The following BIN1 variants were observed in gnomAD, a reference collection of about 807,000 sequenced individuals.
BIN1 encodes the protein myc box-dependent-interacting protein 1.
BIN1 carries 53 observed loss-of-function variants against 82.0 expected under a neutral mutation model. That is an observed-to-expected ratio of 0.65 (90% CI 0.52 to 0.81). The LOEUF (loss-of-function observed/expected upper bound fraction) is 0.81, where lower values mean the gene tolerates loss of function less well. Ranked by LOEUF, BIN1 falls within the 40% of genes least tolerant of loss-of-function variation. The probability of loss-of-function intolerance (pLI) is 0.00; values close to 1 mark genes in which losing one functional copy is unlikely to be tolerated. For missense variants in BIN1, 642 were observed against 784.4 expected (o/e 0.82, Z 2.17); for synonymous variants, 302 against 328.0 (o/e 0.92, Z 0.86).
chr2:127,086,068 T>C (rs768662734), intron 1 of BIN1, among the ~76,000 whole-genome samples: 35 of 152,196 alleles, frequency 2.3e-4, no homozygotes, highest in Non-Finnish European at 4.6e-4. Flanking sequence ...AGGACTCACC[T>C]TGGGGGACAC....
At chr2:127,088,364 A>G (rs1378323143) in intron 1 of BIN1, among the ~76,000 whole-genome samples, 1 of 151,438 alleles carries the variant, frequency 6.6e-6, no homozygotes, top group African/African-American at 2.4e-5. Flanking sequence ...TGGGAAGCCA[A>G]GCAAGGTCTC....
chr2:127,055,787 G>A (rs1683577013), intron 12 of BIN1: 1 of 152,256 alleles, frequency 6.6e-6, no homozygotes, highest in African/African-American at 2.4e-5. Context: ...TCCATGCAGG[G>A]ACACAGGCTA....
chr2:127,050,273 G>T (rs1328193757), intron 18 of BIN1, 148 bp downstream of exon 18: 1 of 762,780 alleles, frequency 1.3e-6, no homozygotes, highest in Non-Finnish European at 2.3e-6. Flanking sequence ...GCCCGACGTG[G>T]AGGGCGGGGA....
chr2:127,092,068 C>T (rs1435974164), intron 1 of BIN1, among the ~76,000 whole-genome samples: 2 of 151,754 alleles, frequency 1.3e-5, no homozygotes, highest in East Asian at 3.9e-4. Flanking sequence ...CCCAGCTCTC[C>T]GCCTGGCCCC....
At chr2:127,100,836 C>T (rs1312372055) in intron 1 of BIN1, among the ~76,000 whole-genome samples, 2 of 152,082 alleles carry the variant, frequency 1.3e-5, no homozygotes, top group Admixed American at 6.5e-5. Flanking sequence ...CAGTGGTCTC[C>T]GCAGGAGCAG....
Position 127,057,611 on chromosome 2 carries a change from G to C in BIN1, c.1003-10C>G. Reference sequence around the variant, plus strand: ...GTGGGCCTTTCCGGAGCTGTGGGTCGGCGGCGGGTGAGGGGCCGCGCGGGA... The same window carrying C: ...GTGGGCCTTTCCGGAGCTGTGGGTCCGCGGCGGGTGAGGGGCCGCGCGGGA... On this transcript the variant is annotated splice_polypyrimidine_tract_variant and intron_variant, in intron 11 of 18. Coordinates refer to ENST00000316724, the MANE Select transcript of BIN1 (RefSeq NM_139343.3). The surrounding 1 kb of genome is among the most constrained non-coding windows in gnomAD (Gnocchi z 5.0). 2 of 1,515,430 alleles carry C rather than the reference G, an allele frequency of 1.3e-6. No homozygotes were observed. Among genetic ancestry groups the C allele is most frequent in the Non-Finnish European group, 1.8e-6 (2 of 1,125,400 alleles). The allele number at this position is 1,515,430 out of a possible 1,614,324, so 93.9% of individuals were successfully genotyped here. A position where few individuals can be genotyped will look rare whatever the true frequency, so the allele number is the denominator to read the frequency against.
intron 1 of BIN1, among the ~76,000 whole-genome samples, chr2:127,085,194 G>A (rs1019923698): frequency 5.9e-5 from 9 of 152,232 alleles, no homozygotes; most frequent in African/African-American, 1.9e-4. Context: ...AGCTGTGGCT[G>A]CAAAGGGGAG....
chr2:127,105,504 T>TC (rs1553490445), intron 1 of BIN1, among the ~76,000 whole-genome samples: 1 of 117,082 alleles, frequency 8.5e-6, no homozygotes, highest in Non-Finnish European at 1.8e-5. Flanking sequence ...TCCTCCTCCT[T>TC]CCCTGGGGTG....
chr2:127,081,926 C>T (rs1687345502), intron 1 of BIN1: 6 of 1,260,026 alleles, frequency 4.8e-6, no homozygotes, highest in African/African-American at 3.1e-5. Flanking sequence ...AGCCTGCGGT[C>T]GGGGGCCACG....
At chr2:127,049,457 C>T (rs567494208) in intron 18 of BIN1, among the ~76,000 whole-genome samples, 65 of 152,190 alleles carry the variant, frequency 4.3e-4, no homozygotes, top group Admixed American at 5.9e-4. Context: ...GTACCTGGTA[C>T]CCCTACATCC....
At chr2:127,074,477 C>T (rs956965799) in intron 2 of BIN1, among the ~76,000 whole-genome samples, 1 of 152,246 alleles carries the variant, frequency 6.6e-6, no homozygotes, top group Non-Finnish European at 1.5e-5. Context: ...CAGCAGCCAC[C>T]TGGCAGCCCG....
At position 127,097,430 on chromosome 2, in the gene BIN1, C is replaced by A. The variant is rs559273023; in HGVS notation, c.84+9430G>T. ...GTCACCCCTCCAGGCCCAGCAGCGT[C>A]AGCCCTCCTGGTGTCACCCTGGGCT... On this transcript the variant is annotated intron_variant, in intron 1 of 18. Coordinates refer to ENST00000316724, the MANE Select transcript of BIN1 (RefSeq NM_139343.3). Among the ~76,000 whole-genome samples the A allele has an allele frequency of 8.5e-5, 13 of 152,236 alleles. No homozygotes were observed. The East Asian group carries it at 2.3e-3, about 27-fold the overall frequency.
intron 1 of BIN1, among the ~76,000 whole-genome samples, chr2:127,105,759 A>T (rs1245834929): frequency 6.6e-6 from 1 of 152,142 alleles, no homozygotes; most frequent in East Asian, 1.9e-4. Context: ...CAGGCCTGGC[A>T]GGGGAAGGCC....
At chr2:127,084,204 C>T (rs1010042974) in intron 1 of BIN1, among the ~76,000 whole-genome samples, 6 of 152,160 alleles carry the variant, frequency 3.9e-5, no homozygotes, top group African/African-American at 7.2e-5. Flanking sequence ...CCTGGCGCAC[C>T]GTATGCGCAG....
chr2:127,064,101 AC>A, intron 7 of BIN1, 83 bp from the exon 8 acceptor site: 1 of 1,517,764 alleles, frequency 6.6e-7, no homozygotes, highest in Non-Finnish European at 9.1e-7. Context: ...CCTCCTGCCC[AC>A]CCCTCTTGGC....
chr2:127,079,448 C>T lies in BIN1; in HGVS notation c.85-2742G>A, dbSNP rs576511528. ...GGTGGGGGATGGGCCTGACTGACAC[C>T]GCCAGCCCTCACACCGGGTCCAGGC... On this transcript the variant is annotated intron_variant, in intron 1 of 18. Coordinates refer to ENST00000316724, the MANE Select transcript of BIN1 (RefSeq NM_139343.3). 3.3e-5 allele frequency among the ~76,000 whole-genome samples: 5 copies of T among 152,330 alleles called. No individual in the cohort carries two copies. In the South Asian group the frequency reaches 6.2e-4, roughly 19 times the overall value.
At chr2:127,053,258 T>TG in intron 14 of BIN1, 164 bp downstream of exon 14, 1 of 967,310 alleles carries the variant, frequency 1.0e-6, no homozygotes, top group Non-Finnish European at 1.6e-6. Flanking sequence ...TGGAGGCGGG[T>TG]GGCTTCACCA....
At chr2:127,063,771 C>T (rs375903840) in intron 8 of BIN1, 125 bp from the exon 9 acceptor site, 49 of 1,389,304 alleles carry the variant, frequency 3.5e-5, no homozygotes, top group African/African-American at 1.9e-4. Flanking sequence ...GCCCAGGCAC[C>T]GCAGCACTCA....
intron 17 of BIN1, 28 bp downstream of exon 17, chr2:127,050,774 C>T (rs1337558459): frequency 6.2e-7 from 1 of 1,608,008 alleles, no homozygotes; most frequent in Admixed American, 1.7e-5. Flanking sequence ...CACCGAGGGA[C>T]TGCAGCAGTC....
Sources: gnomAD v4.1 joint callset for allele counts (sites outside exome capture counted in the v4.1 genomes callset) on GRCh38, gnomAD v4.1.1 for gene constraint, Gnocchi (gnomAD v3.1) non-coding constraint, MANE v1.5 for transcripts, NCBI Gene and HGNC (gene_info 2026-07-23, HGNC 2026-07-21) for gene names.